TMEM135: variants seen among roughly 807,000 people sequenced by gnomAD.
TMEM135 encodes the protein peroxisomal membrane protein 52.
In TMEM135, 30 loss-of-function variants were observed where a neutral mutation model predicts 60.3. That is an observed-to-expected ratio of 0.50 (90% CI 0.37 to 0.68). TMEM135 has a LOEUF of 0.68. Among genes scored for constraint, TMEM135 ranks in the 30% least tolerant of loss-of-function variants. The pLI, the probability that TMEM135 is intolerant of heterozygous loss-of-function variation, is 0.00. For missense variants in TMEM135, 468 were observed against 548.8 expected (o/e 0.85, Z 1.47); for synonymous variants, 190 against 186.7 (o/e 1.02, Z -0.14).
intron 6 of TMEM135, among the ~76,000 whole-genome samples, chr11:87,275,565 A>C (rs1348179885): frequency 6.6e-6 from 1 of 152,206 alleles, no homozygotes; most frequent in East Asian, 1.9e-4. Flanking sequence ...TAGCCCACAC[A>C]TGCAAACTTG....
intron 14 of TMEM135, among the ~76,000 whole-genome samples, chr11:87,320,143 T>C (rs116028745): frequency 9.8e-5 from 15 of 152,300 alleles, no homozygotes; most frequent in African/African-American, 3.6e-4. Flanking sequence ...ACACATACAA[T>C]ATCCATGTAT....
At chr11:87,317,038 C>T (rs547944099) in intron 12 of TMEM135, among the ~76,000 whole-genome samples, 10 of 151,844 alleles carry the variant, frequency 6.6e-5, no homozygotes, top group African/African-American at 2.4e-4. Flanking sequence ...TAAAAATCAA[C>T]TGTATAGACC....
In TMEM135 at chr11:87,302,366, C is replaced by G; in HGVS notation, c.622C>G (p.Gln208Glu). Residue 208 changes from glutamine to glutamate, a missense_variant, in exon 8 of 15, where the codon CAA becomes GAA. Transcript: ENST00000305494. ...SPEAAYAKVE[Q>E]KREQHEEKPG... ...AGAGGCAGCATATGCAAAAGTGGAA[C>G]AAAAGAGAGAGCAACATGAGGAAAA... 6.2e-7 allele frequency: 1 copy of G among 1,613,632 alleles called. No individual in the cohort carries two copies. The highest frequency in any genetic ancestry group is 2.2e-5 in the East Asian group (1 of 44,792).
chr11:87,120,010 T>C (rs1858002281), intron 4 of TMEM135, among the ~76,000 whole-genome samples: 1 of 152,114 alleles, frequency 6.6e-6, no homozygotes, highest in Non-Finnish European at 1.5e-5. Context: ...TTGAAAATGC[T>C]GAATGAATTA....
In TMEM135 at chr11:87,042,274, C is replaced by G. The variant is rs557711745; in HGVS notation, c.141+4088C>G. Among the ~76,000 whole-genome samples, 138 of 152,170 alleles carry G rather than the reference C, an allele frequency of 9.1e-4. 2 individuals are homozygous for G. The highest frequency in any genetic ancestry group is 1.1e-3 in the Non-Finnish European group (76 of 68,032). Reference sequence around the variant, plus strand: ...TCTTCTTGGCCTCTCTGTCTAAATTCTTCTTGGCCTCTCTGAGCATTCCTT... The same window carrying G: ...TCTTCTTGGCCTCTCTGTCTAAATTGTTCTTGGCCTCTCTGAGCATTCCTT... On this transcript the variant is annotated intron_variant, in intron 1 of 14. Coordinates refer to ENST00000305494, the MANE Select transcript of TMEM135 (RefSeq NM_022918.4).
At chr11:87,185,226 GTCAGTGT>G (rs1292392967) in intron 5 of TMEM135, among the ~76,000 whole-genome samples, 1 of 152,056 alleles carries the variant, frequency 6.6e-6, no homozygotes, top group Non-Finnish European at 1.5e-5. Context: ...ATCGTATTTA[GTCAGTGT>G]TCACATTTTC....
At chr11:87,041,559 C>T (rs1565418003) in intron 1 of TMEM135, among the ~76,000 whole-genome samples, 1 of 152,152 alleles carries the variant, frequency 6.6e-6, no homozygotes, top group African/African-American at 2.4e-5. Flanking sequence ...TACCGAATCG[C>T]ATGGAGCCTT....
intron 6 of TMEM135, among the ~76,000 whole-genome samples, chr11:87,269,711 AT>A (rs1311855512): frequency 1.3e-5 from 2 of 151,350 alleles, no homozygotes; most frequent in African/African-American, 4.9e-5. Context: ...TCCATGGTGT[AT>A]ATGTGCCACA....
In TMEM135 at chr11:87,326,674, A is replaced by G. The variant is rs764668167; in HGVS notation, c.*5341A>G. On this transcript the variant is annotated 3_prime_UTR_variant, in exon 15 of 15. Transcript: ENST00000305494. Reference sequence around the variant, plus strand: ...CCATATCTTTGCTATGTATTTCTTCATCTTGAGCTCTCAAGGGAAAAAACA... The same window carrying G: ...CCATATCTTTGCTATGTATTTCTTCGTCTTGAGCTCTCAAGGGAAAAAACA... The G allele has an allele frequency of 6.0e-5, 27 of 453,716 alleles. No homozygotes were observed. The highest frequency in any genetic ancestry group is 4.4e-5 in the Non-Finnish European group (10 of 226,742). 28.1% of individuals were successfully genotyped at this position (453,716 alleles called of 1,614,324 possible).
chr11:87,148,478 A>C (rs1461183302), intron 4 of TMEM135, among the ~76,000 whole-genome samples: 1 of 152,216 alleles, frequency 6.6e-6, no homozygotes, highest in East Asian at 1.9e-4. Flanking sequence ...TGGAGAAGGT[A>C]CCGAAAAAGA....
At chr11:87,129,019 T>G (rs542676099) in intron 4 of TMEM135, among the ~76,000 whole-genome samples, 189 of 151,806 alleles carry the variant, frequency 1.2e-3, no homozygotes, top group Admixed American at 2.1e-3. Context: ...TTTTTTGTTT[T>G]TTTTTTAACC....
chr11:87,143,520 C>T (rs757902073), intron 4 of TMEM135, among the ~76,000 whole-genome samples: 2 of 152,106 alleles, frequency 1.3e-5, no homozygotes, highest in African/African-American at 2.4e-5. Flanking sequence ...AACTTCAAGC[C>T]AGTAGGCTTT....
chr11:87,134,140 C>T (rs1240542711), intron 4 of TMEM135, among the ~76,000 whole-genome samples: 1 of 151,992 alleles, frequency 6.6e-6, no homozygotes, highest in African/African-American at 2.4e-5. Flanking sequence ...ATCTAGAAGT[C>T]TGGGATCAAG....
At chr11:87,112,929 G>A (rs549871840) in intron 4 of TMEM135, among the ~76,000 whole-genome samples, 5 of 152,032 alleles carry the variant, frequency 3.3e-5, no homozygotes, top group African/African-American at 9.6e-5. Flanking sequence ...ATTAATTGAG[G>A]AATTATGCCT....
At chr11:87,158,464 AT>A (rs60730766) in intron 5 of TMEM135, among the ~76,000 whole-genome samples, 237 of 140,544 alleles carry the variant, frequency 1.7e-3, no homozygotes, top group Admixed American at 3.3e-3. Context: ...CCTTGGTATA[AT>A]TTTTTTTTTT....
At chr11:87,318,545 G>T (rs1292361258) in intron 13 of TMEM135, among the ~76,000 whole-genome samples, 2 of 148,278 alleles carry the variant, frequency 1.3e-5, no homozygotes, top group Non-Finnish European at 3.0e-5. Flanking sequence ...CCTTCCCTTT[G>T]ATTAAAAAAA....
At chr11:87,070,965 T>A (rs1189665994) in intron 2 of TMEM135, among the ~76,000 whole-genome samples, 1 of 152,280 alleles carries the variant, frequency 6.6e-6, no homozygotes, top group Non-Finnish European at 1.5e-5. Context: ...CTGGGAAATA[T>A]CTCATATAGT....
rs187352713 is a variant in TMEM135 at position 87,189,436 on chromosome 11, C to T, written c.462+32030C>T. On this transcript the variant is annotated intron_variant, in intron 5 of 14. Coordinates refer to ENST00000305494, the MANE Select transcript of TMEM135 (RefSeq NM_022918.4). ...TCAGGCTCCCAGATTGTTGGGATTA[C>T]AAGCGTGAGCCACCGTGCCCAGCCT... Among the ~76,000 whole-genome samples, 259 of 152,250 alleles carry T rather than the reference C, an allele frequency of 1.7e-3. 1 individual carries two copies. Among genetic ancestry groups the T allele is most frequent in the African/African-American group, 6.0e-3 (248 of 41,554 alleles).
intron 4 of TMEM135, among the ~76,000 whole-genome samples, chr11:87,148,750 C>T (rs575896746): frequency 1.3e-5 from 2 of 152,082 alleles, no homozygotes; most frequent in South Asian, 4.1e-4. Flanking sequence ...AGAATAAATA[C>T]AAGAACATAA....
Sources: allele counts gnomAD v4.1 joint callset (sites outside exome capture counted in the v4.1 genomes callset), GRCh38; gene constraint gnomAD v4.1.1; transcripts MANE v1.5; gene names NCBI Gene and HGNC (gene_info 2026-07-23, HGNC 2026-07-21).